The following DMP1 variants were observed in gnomAD, a reference collection of about 807,000 sequenced individuals.
DMP1 encodes the protein dentin matrix protein 1.
In DMP1, 20 loss-of-function variants were observed where a neutral mutation model predicts 14.6. That is an observed-to-expected ratio of 1.37 (90% CI 0.96 to 1.99). DMP1 has a LOEUF of 1.99. Among genes scored for constraint, DMP1 ranks in the 30% most tolerant of loss-of-function variants. The pLI, the probability that DMP1 is intolerant of heterozygous loss-of-function variation, is 0.00. For synonymous variants in DMP1, 197 were observed against 215.3 expected (o/e 0.91, Z 0.75); for missense variants, 567 against 620.5 (o/e 0.91, Z 0.92).
chr4:87,656,468 C>T lies in DMP1; in HGVS notation c.-21-4C>T, dbSNP rs575811118. ...GAGAGAAACATCTATGTCCTTCATT[C>T]CAGGTAGAGGTATCACACCCAACTA... On this transcript the variant is annotated splice_region_variant and splice_polypyrimidine_tract_variant and intron_variant, in intron 1 of 5. Coordinates refer to ENST00000339673, the MANE Select transcript of DMP1 (RefSeq NM_004407.4). The T allele has an allele frequency of 1.3e-6, 2 of 1,546,778 alleles. No homozygotes were observed. Among genetic ancestry groups the T allele is most frequent in the East Asian group, 2.2e-5 (1 of 44,560 alleles).
At position 87,663,264 on chromosome 4, in the gene DMP1, T is replaced by C; in HGVS notation, c.1486T>C (p.Tyr496His). ...GAGCCGGAAATTAACAGTTGATGCC[T>C]ATCACAACAAACCCATTGGGGACCA... ...IESRKLTVDA[Y>H]HNKPIGDQDD... The change falls in exon 6 of 6, where the codon TAT becomes CAT. Residue 496 changes from tyrosine to histidine, a missense_variant. Transcript: ENST00000339673. 2 of 1,614,210 alleles carry C rather than the reference T, an allele frequency of 1.2e-6. No homozygotes were observed. Among genetic ancestry groups the C allele is most frequent in the African/African-American group, 2.7e-5 (2 of 75,038 alleles).
At chr4:87,661,397 AT>A (rs1388885833) in intron 5 of DMP1, among the ~76,000 whole-genome samples, 4 of 148,910 alleles carry the variant, frequency 2.7e-5, no homozygotes, top group South Asian at 2.1e-4. Flanking sequence ...AATTTTTTGT[AT>A]TTTTTAGTAG....
intron 1 of DMP1, among the ~76,000 whole-genome samples, chr4:87,652,673 C>T (rs1728556300): frequency 6.6e-6 from 1 of 152,142 alleles, no homozygotes; most frequent in South Asian, 2.1e-4. Context: ...TGTGAGAAAA[C>T]ACAACGTTCA....
chr4:87,655,877 A>T lies in DMP1; in HGVS notation c.-21-595A>T, dbSNP rs112857727. ...TTCTTTACTTTTTCGTCAATTTATC[A>T]TACTTTATGTGTTAGCGTTTGTACA... On this transcript the variant is annotated intron_variant, in intron 1 of 5. Coordinates refer to ENST00000339673, the MANE Select transcript of DMP1 (RefSeq NM_004407.4). 3.6e-3 allele frequency among the ~76,000 whole-genome samples: 554 copies of T among 152,300 alleles called. 3 individuals are homozygous for T. The highest frequency in any genetic ancestry group is 0.013 in the African/African-American group (523 of 41,554).
In DMP1 at chr4:87,657,053, G is replaced by T; in HGVS notation, c.76G>T (p.Glu26Ter). Residue 26 changes from glutamate (E) to a stop codon, truncating the protein, a stop_gained, in exon 3 of 6, where the codon GAA (glutamate) becomes TAA (stop). Coordinates refer to ENST00000339673, the MANE Select transcript of DMP1 (RefSeq NM_004407.4). LOFTEE classifies it high-confidence loss of function. Reference sequence around the variant, plus strand: ...CTAGGTAACCAGGTATCAAAATAATGAATCTGAGGATTCTGAAGAATGGAA... The same window carrying T: ...CTAGGTAACCAGGTATCAAAATAATTAATCTGAGGATTCTGAAGAATGGAA... ...ALPVTRYQNN[E>*]SEDSEEWKGH... The T allele has an allele frequency of 6.4e-7, 1 of 1,559,506 alleles. No individual in the cohort carries two copies.
chr4:87,661,109 C>T (rs941021877), intron 5 of DMP1, among the ~76,000 whole-genome samples: 1 of 151,792 alleles, frequency 6.6e-6, no homozygotes, highest in Non-Finnish European at 1.5e-5. Context: ...TCGATCTCGG[C>T]TCACTGCAAC....
intron 1 of DMP1, among the ~76,000 whole-genome samples, chr4:87,651,207 T>A (rs1728524241): frequency 6.6e-6 from 1 of 152,138 alleles, no homozygotes; most frequent in Non-Finnish European, 1.5e-5. Flanking sequence ...AACTTTGTTG[T>A]TTAAAAATGC....
chr4:87,658,756 G>C lies in DMP1; in HGVS notation c.103-464G>C, dbSNP rs867605708. ...GAAGTGAATTGCCCACCTTCACCTA[G>C]AGTAACCAACCATCTCGGTTTACCT... On this transcript the variant is annotated intron_variant, in intron 3 of 5. Transcript: ENST00000339673. 9 of 187,054 alleles carry C rather than the reference G, an allele frequency of 4.8e-5. No individual in the cohort carries two copies. In the Admixed American group the frequency reaches 4.9e-4, roughly 10 times the overall value. The allele number at this position is 187,054 out of a possible 1,614,324, so 11.6% of individuals were successfully genotyped here.
In DMP1 at chr4:87,662,155, G is replaced by C; in HGVS notation, c.377G>C (p.Arg126Thr). Residue 126 changes from arginine to threonine, a missense_variant, in exon 6 of 6, where the codon AGA becomes ACA. Coordinates refer to ENST00000339673, the MANE Select transcript of DMP1 (RefSeq NM_004407.4). ...DDDSGPGPKD[R>T]QEGGNSRLGS... ...GACAGTGGCCCAGGGCCCAAAGACA[G>C]ACAAGAAGGAGGAAACTCCAGACTG... 2 of 1,614,214 alleles carry C rather than the reference G, an allele frequency of 1.2e-6. No homozygotes were observed. Among genetic ancestry groups the C allele is most frequent in the Middle Eastern group, 1.6e-4 (1 of 6,062 alleles).
At position 87,664,211 on chromosome 4, in the gene DMP1, G is replaced by A. The variant is rs1001346047; in HGVS notation, c.*891G>A. 1.3e-5 allele frequency: 2 copies of A among 152,444 alleles called. No individual in the cohort carries two copies. Among genetic ancestry groups the A allele is most frequent in the Non-Finnish European group, 2.9e-5 (2 of 67,994 alleles). 9.4% of individuals were successfully genotyped at this position (152,444 alleles called of 1,614,324 possible). Reference sequence around the variant, plus strand: ...TTTATTTTTTCTAAAATCAGTTTGCGTGCAATGCTAGAAAAAAACTGTTCT... The same window carrying A: ...TTTATTTTTTCTAAAATCAGTTTGCATGCAATGCTAGAAAAAAACTGTTCT... On this transcript the variant is annotated 3_prime_UTR_variant, in exon 6 of 6. Transcript: ENST00000339673.
chr4:87,656,426 T>C, intron 1 of DMP1, 46 bp from the exon 2 acceptor site: 1 of 1,139,274 alleles, frequency 8.8e-7, no homozygotes, highest in Admixed American at 1.7e-5. Flanking sequence ...TTGAAACTAC[T>C]TTATTCCTTT....
At position 87,662,374 on chromosome 4, in the gene DMP1, A is replaced by T; in HGVS notation, c.596A>T (p.Asp199Val). 6.2e-6 allele frequency: 10 copies of T among 1,614,112 alleles called. No individual in the cohort carries two copies. The highest frequency in any genetic ancestry group is 8.5e-6 in the Non-Finnish European group (10 of 1,180,016). ...SEEHWVGGGSDGESSHGDGSE... is the reference protein window; with the variant it reads ...SEEHWVGGGSVGESSHGDGSE... Reference sequence around the variant, plus strand: ...GAGCACTGGGTGGGAGGTGGCAGTGATGGGGAGAGCAGCCATGGAGACGGC... The same window carrying T: ...GAGCACTGGGTGGGAGGTGGCAGTGTTGGGGAGAGCAGCCATGGAGACGGC... The change falls in exon 6 of 6, where the codon GAT (aspartate) becomes GTT (valine). Residue 199 changes from aspartate (D) to valine (V), a missense_variant. Physicochemically the swap from Asp to Val is radical, Grantham distance 152. Coordinates refer to ENST00000339673, the MANE Select transcript of DMP1 (RefSeq NM_004407.4).
intron 1 of DMP1, among the ~76,000 whole-genome samples, chr4:87,654,649 G>C (rs1031372446): frequency 6.6e-6 from 1 of 152,174 alleles, no homozygotes; most frequent in Non-Finnish European, 1.5e-5. Context: ...ACAGATAAAA[G>C]AGGCAAGTGG....
intron 5 of DMP1, among the ~76,000 whole-genome samples, chr4:87,661,517 C>G (rs985865870): frequency 6.6e-6 from 1 of 151,842 alleles, no homozygotes; most frequent in African/African-American, 2.4e-5. Context: ...CCACCGCGCC[C>G]GGCCTGCTAA....
At chr4:87,655,166 C>T (rs1211173689) in intron 1 of DMP1, among the ~76,000 whole-genome samples, 2 of 152,088 alleles carry the variant, frequency 1.3e-5, no homozygotes, top group East Asian at 1.9e-4. Flanking sequence ...AATCGACAAA[C>T]GTGAAATAAA....
chr4:87,660,394 T>TG (rs2110014762), intron 5 of DMP1, among the ~76,000 whole-genome samples: 2 of 152,266 alleles, frequency 1.3e-5, no homozygotes, highest in African/African-American at 4.8e-5. Context: ...AGTTCCTGCT[T>TG]GTGAGTTGGG....
Position 87,662,115 on chromosome 4 carries a change from A to G in DMP1, c.337A>G (p.Thr113Ala), listed in dbSNP as rs1560493711. ...CGATGAAGATGACAGTGGAGATGAC[A>G]CCTTTGGTGACGATGACAGTGGCCC... ...DDDEDDSGDDTFGDDDSGPGP... is the reference protein window; with the variant it reads ...DDDEDDSGDDAFGDDDSGPGP... The change falls in exon 6 of 6, where the codon ACC (threonine) becomes GCC (alanine). Residue 113 changes from threonine to alanine, a missense_variant. By Grantham distance (58) the Thr-to-Ala change is moderately conservative. Coordinates refer to ENST00000339673, the MANE Select transcript of DMP1 (RefSeq NM_004407.4). The G allele has an allele frequency of 1.2e-6, 2 of 1,614,192 alleles. No individual in the cohort carries two copies. Among genetic ancestry groups the G allele is most frequent in the East Asian group, 4.5e-5 (2 of 44,872 alleles).
chr4:87,651,166 C>G (rs1728523225), intron 1 of DMP1, among the ~76,000 whole-genome samples: 1 of 152,096 alleles, frequency 6.6e-6, no homozygotes, highest in Non-Finnish European at 1.5e-5. Context: ...ACCATACTTT[C>G]TGTTTAACTG....
Position 87,663,210 on chromosome 4 carries a change from G to C in DMP1, c.1432G>C (p.Asp478His). 6.2e-7 allele frequency: 1 copy of C among 1,614,234 alleles called. No individual in the cohort carries two copies. The highest frequency in any genetic ancestry group is 8.5e-7 in the Non-Finnish European group (1 of 1,180,044). The stretch of plus-strand genomic sequence containing the variant: ...GGAGAGCAAATCAAGCAGTGAGGAA[G>C]ATGGCCAGTTGAAAAACATTGAGAT... ...STESKSSSEEDGQLKNIEIES... is the reference protein window; with the variant it reads ...STESKSSSEEHGQLKNIEIES... The change falls in exon 6 of 6, where the codon GAT becomes CAT. Residue 478 changes from aspartate (D) to histidine (H), a missense_variant. Asp to His is a moderately conservative substitution (Grantham distance 81, BLOSUM62 -1). Coordinates refer to ENST00000339673, the MANE Select transcript of DMP1 (RefSeq NM_004407.4).
Sources: allele counts gnomAD v4.1 joint callset (sites outside exome capture counted in the v4.1 genomes callset), GRCh38; gene constraint gnomAD v4.1.1; transcripts MANE v1.5; gene names NCBI Gene and HGNC (gene_info 2026-07-23, HGNC 2026-07-21).